Variants in VSIG1 observed in about 807,000 individuals in gnomAD.
VSIG1 encodes V-set and immunoglobulin domain-containing protein 1.
In VSIG1, 11 loss-of-function variants were observed where a neutral mutation model predicts 20.1. The ratio of observed to expected loss-of-function variants is 0.55; its 90% CI spans 0.34 to 0.91. VSIG1 has a LOEUF of 0.91. Ranked by LOEUF, VSIG1 falls within the 40% of genes least tolerant of loss-of-function variation. The pLI is 0.02. For missense variants in VSIG1, 283 were observed against 298.8 expected (o/e 0.95, Z 0.39); for synonymous variants, 126 against 116.7 (o/e 1.08, Z -0.52).
chrX:108,077,403 T>C lies in VSIG1; in HGVS notation c.*22T>C. ...ATAGGCTGGTGGCCTAAGTACAGCA[T>C]TAATCATTAAGGAACCCATTACTGC... On this transcript the variant is annotated 3_prime_UTR_variant, in exon 7 of 7. Transcript: ENST00000217957. The C allele has an allele frequency of 8.4e-7, 1 of 1,183,773 alleles. No homozygotes were observed. Among genetic ancestry groups the C allele is most frequent in the Non-Finnish European group, 1.1e-6 (1 of 879,491 alleles).
chrX:108,045,062 G>A (rs1317473227), upstream of VSIG1: 54 of 982,157 alleles, frequency 5.5e-5, no homozygotes, highest in Non-Finnish European at 7.1e-5. Context: ...GATCGAAGAA[G>A]CCAATTTGAG....
upstream of VSIG1, among the ~76,000 whole-genome samples, chrX:108,040,492 A>G (rs1388166122): frequency 8.9e-6 from 1 of 112,133 alleles, no homozygotes; most frequent in Non-Finnish European, 1.9e-5. Flanking sequence ...CTTCTGGCGG[A>G]CAATTTTGCA....
chrX:108,027,123 A>G, the VSIG1 span, among the ~76,000 whole-genome samples: 6 of 111,586 alleles, frequency 5.4e-5, no homozygotes, highest in Non-Finnish European at 9.4e-5. Flanking sequence ...CAGTTCCTCA[A>G]GCAGTTAAAC....
chrX:108,063,610 G>T (rs1389703107), intron 2 of VSIG1, among the ~76,000 whole-genome samples: 2 of 111,097 alleles, frequency 1.8e-5, no homozygotes, highest in Admixed American at 1.9e-4. Flanking sequence ...GCCCCTCCCA[G>T]CCATTTCCCA....
At position 108,045,098 on chromosome X, in the gene VSIG1, T is replaced by C; in HGVS notation, c.-33T>C. The C allele has an allele frequency of 8.7e-7, 1 of 1,146,938 alleles. No individual in the cohort carries two copies. The highest frequency in any genetic ancestry group is 1.2e-6 in the Non-Finnish European group (1 of 858,049). The allele number at this position is 1,146,938 out of a possible 1,213,427, so 94.5% of individuals were successfully genotyped here. Reference sequence around the variant, plus strand: ...ACTCAGCCTAGTCCAGGCAAGCTACTGGCACCTGCTGCTCTCAACTAACCT... The same window carrying C: ...ACTCAGCCTAGTCCAGGCAAGCTACCGGCACCTGCTGCTCTCAACTAACCT... On this transcript the variant is annotated 5_prime_UTR_variant, in exon 1 of 7. Coordinates refer to ENST00000217957, the MANE Select transcript of VSIG1 (RefSeq NM_182607.5).
At chrX:108,066,822 G>T (rs184871294) in intron 2 of VSIG1, 114 bp from the exon 3 acceptor site, 2 of 702,200 alleles carry the variant, frequency 2.8e-6, no homozygotes, top group Non-Finnish European at 4.3e-6. Flanking sequence ...TGTTCCTGGT[G>T]GGGGGAAGAT....
chrX:108,022,920 C>T, the VSIG1 span, among the ~76,000 whole-genome samples: 1 of 111,777 alleles, frequency 8.9e-6, no homozygotes, highest in Non-Finnish European at 1.9e-5. Flanking sequence ...CTCCCTCTCT[C>T]ACCATGTGAC....
intron 5 of VSIG1, among the ~76,000 whole-genome samples, chrX:108,075,195 A>T (rs2031326058): frequency 9.0e-6 from 1 of 111,135 alleles, no homozygotes; most frequent in Non-Finnish European, 1.9e-5. Flanking sequence ...CTTCTAGGGT[A>T]CGAAGTTGAA....
At chrX:108,046,101 G>C (rs1459680041) in intron 1 of VSIG1, among the ~76,000 whole-genome samples, 1 of 111,735 alleles carries the variant, frequency 8.9e-6, no homozygotes, top group Non-Finnish European at 1.9e-5. Flanking sequence ...TGGGATTATA[G>C]ATGATTTTAA....
intron 2 of VSIG1, chrX:108,064,633 G>A (rs1036948649): frequency 1.3e-5 from 6 of 455,697 alleles, no homozygotes; most frequent in East Asian, 3.8e-4. Context: ...GGCCTCAGGC[G>A]TGACTGATGT....
upstream of VSIG1, among the ~76,000 whole-genome samples, chrX:108,041,553 C>CGT (rs371173365): frequency 0.13 from 12,891 of 99,164 alleles, 667 homozygotes; most frequent in African/African-American, 0.19. Flanking sequence ...TAAAAAACCT[C>CGT]GTGTGTGTGT....
chrX:108,064,124 A>C (rs1358062087), intron 2 of VSIG1, among the ~76,000 whole-genome samples: 2 of 111,805 alleles, frequency 1.8e-5, no homozygotes, highest in African/African-American at 6.5e-5. Context: ...TCAGGAAAAC[A>C]CTTCTTTCTT....
At chrX:108,075,954 C>A in intron 5 of VSIG1, 123 bp from the exon 6 acceptor site, 2 of 872,554 alleles carry the variant, frequency 2.3e-6, no homozygotes, top group South Asian at 2.8e-5. Context: ...TTTCCATTTC[C>A]CTAGCCTATA....
chrX:108,037,759 G>T, the VSIG1 span, among the ~76,000 whole-genome samples: 3 of 112,716 alleles, frequency 2.7e-5, no homozygotes, highest in Non-Finnish European at 5.6e-5. Context: ...GTAAAGCACA[G>T]TTCTATGCCC....
At chrX:108,065,795 T>A (rs1043870750) in intron 2 of VSIG1, among the ~76,000 whole-genome samples, 1 of 112,587 alleles carries the variant, frequency 8.9e-6, no homozygotes, top group African/African-American at 3.2e-5. Flanking sequence ...ATTTGTAAGT[T>A]TTCATTTATA....
upstream of VSIG1, among the ~76,000 whole-genome samples, chrX:108,044,125 C>T (rs1358166131): frequency 8.9e-6 from 1 of 111,807 alleles, no homozygotes; most frequent in Admixed American, 9.5e-5. Context: ...AGCTGAGTAC[C>T]TGGACCAAGA....
the VSIG1 span, among the ~76,000 whole-genome samples, chrX:108,026,440 G>A: frequency 6.3e-5 from 7 of 111,242 alleles, no homozygotes; most frequent in Non-Finnish European, 1.1e-4. Flanking sequence ...TGAGAGAGTA[G>A]CAAAGCATCT....
At position 108,065,741 on chromosome X, in the gene VSIG1, T is replaced by C. The variant is rs192844684; in HGVS notation, c.214-1195T>C. On this transcript the variant is annotated intron_variant, in intron 2 of 6. Coordinates refer to ENST00000217957, the MANE Select transcript of VSIG1 (RefSeq NM_182607.5). ...CTATGCAACAATATTCAGGAAGTCA[T>C]AGATTTAATGTGCTAGATTTTTCTG... Among the ~76,000 whole-genome samples the C allele has an allele frequency of 6.3e-4, 71 of 112,376 alleles. 1 individual carries two copies. Among genetic ancestry groups the C allele is most frequent in the Admixed American group, 3.8e-3 (40 of 10,625 alleles).
chrX:108,066,894 T>C (rs1263473626), intron 2 of VSIG1, 42 bp from the exon 3 acceptor site: 2 of 1,163,854 alleles, frequency 1.7e-6, no homozygotes, highest in Non-Finnish European at 2.3e-6. Flanking sequence ...ATCCTAGTCC[T>C]GGACTCTCTC....
Sources: gnomAD v4.1 joint callset for allele counts (sites outside exome capture counted in the v4.1 genomes callset) on GRCh38, gnomAD v4.1.1 for gene constraint, MANE v1.5 for transcripts, NCBI Gene and HGNC (gene_info 2026-07-23, HGNC 2026-07-21) for gene names.